The following BBS12 variants were observed in gnomAD, a reference collection of about 807,000 sequenced individuals.
BBS12 encodes the protein chaperonin-containing T-complex member BBS12.
In BBS12, 5 loss-of-function variants were observed where a neutral mutation model predicts 5.6. The ratio of observed to expected loss-of-function variants is 0.89; its 90% CI spans 0.46 to 1.86. The LOEUF (loss-of-function observed/expected upper bound fraction) is 1.86, where lower values mean the gene tolerates loss of function less well. BBS12 is among the 40% of genes most tolerant of loss of function. The pLI is 0.01. For missense variants in BBS12, 748 were observed against 830.4 expected (o/e 0.90, Z 1.22); for synonymous variants, 308 against 306.8 (o/e 1.00, Z -0.04).
At chr4:122,740,891 T>G (rs374362692) in intron 1 of BBS12, among the ~76,000 whole-genome samples, 14 of 152,338 alleles carry the variant, frequency 9.2e-5, no homozygotes, top group African/African-American at 3.4e-4. Context: ...CTTCTATTAT[T>G]ATCCCTGTTT....
intron 1 of BBS12, 73 bp from the exon 2 acceptor site, chr4:122,741,809 GT>G: frequency 7.6e-7 from 1 of 1,322,416 alleles, no homozygotes; most frequent in Non-Finnish European, 1.1e-6. Context: ...AGCATATCTT[GT>G]TTTTATTTCT....
At chr4:122,703,633 C>G in the BBS12 span, among the ~76,000 whole-genome samples, 1 of 152,110 alleles carries the variant, frequency 6.6e-6, no homozygotes, top group Non-Finnish European at 1.5e-5. Flanking sequence ...TAGTACCTCC[C>G]TTGGTGCTTC....
the BBS12 span, among the ~76,000 whole-genome samples, chr4:122,723,051 T>C: frequency 2.0e-5 from 3 of 152,208 alleles, no homozygotes; most frequent in Non-Finnish European, 2.9e-5. Context: ...TCAAATTTTA[T>C]CAAGTGTGGG....
chr4:122,733,859 C>CTTTTTTTTTTTTTTTTTTTTTT (rs35729794), intron 1 of BBS12: 6 of 97,132 alleles, frequency 6.2e-5, no homozygotes, highest in Non-Finnish European at 6.0e-5. Flanking sequence ...TAACTTTAGT[C>CTTTTTTTTTTTTTTTTTTTTTT]TTTTTTTTTT....
the BBS12 span, among the ~76,000 whole-genome samples, chr4:122,715,704 T>G: frequency 1.3e-5 from 2 of 152,202 alleles, no homozygotes; most frequent in Admixed American, 6.5e-5. Flanking sequence ...ATCCATGATA[T>G]ACTTCCAAGA....
At chr4:122,727,766 C>G (rs909425938), upstream of BBS12, among the ~76,000 whole-genome samples, 13 of 151,786 alleles carry the variant, frequency 8.6e-5, no homozygotes, top group Admixed American at 8.5e-4. Flanking sequence ...GTTGGCCAGG[C>G]TGGTCTCGAA....
At chr4:122,716,684 CATATGTGT>C in the BBS12 span, among the ~76,000 whole-genome samples, 1 of 83,908 alleles carries the variant, frequency 1.2e-5, no homozygotes, top group Non-Finnish European at 2.2e-5. Flanking sequence ...TATATATACA[CATATGTGT>C]ATGTGTGTGT....
At position 122,742,133 on chromosome 4, in the gene BBS12, T is replaced by C. The variant is rs768973035; in HGVS notation, c.241T>C (p.Tyr81His). 34 of 1,613,964 alleles carry C rather than the reference T, an allele frequency of 2.1e-5. No individual in the cohort carries two copies. The highest frequency in any genetic ancestry group is 1.6e-4 in the Middle Eastern group (1 of 6,084). ...NEAVQAQNNTYRTGISTLLFL... is the reference protein window; with the variant it reads ...NEAVQAQNNTHRTGISTLLFL... ...AGCAGTTCAAGCACAAAACAACACA[T>C]ATAGAACTGGAATCAGTACTCTTTT... Residue 81 changes from tyrosine (Y) to histidine (H), a missense_variant, in exon 2 of 2, where the codon TAT (tyrosine) becomes CAT (histidine). By Grantham distance (83) the Tyr-to-His change is moderately conservative. Coordinates refer to ENST00000314218, the MANE Select transcript of BBS12 (RefSeq NM_152618.3).
the BBS12 span, among the ~76,000 whole-genome samples, chr4:122,713,628 T>C: frequency 6.6e-6 from 1 of 152,252 alleles, no homozygotes; most frequent in Admixed American, 6.5e-5. Context: ...CTCTATCCTA[T>C]GTCATTGACC....
At chr4:122,725,925 A>C in the BBS12 span, among the ~76,000 whole-genome samples, 71 of 151,064 alleles carry the variant, frequency 4.7e-4, no homozygotes, top group African/African-American at 1.7e-3. Context: ...AAAAAAATCA[A>C]GATGGATCAA....
At chr4:122,721,804 A>G in the BBS12 span, among the ~76,000 whole-genome samples, 3 of 152,194 alleles carry the variant, frequency 2.0e-5, no homozygotes, top group Non-Finnish European at 4.4e-5. Context: ...CAGAAGTCAT[A>G]TAGTGTCACC....
At chr4:122,715,642 T>A in the BBS12 span, among the ~76,000 whole-genome samples, 2 of 152,234 alleles carry the variant, frequency 1.3e-5, no homozygotes, top group African/African-American at 4.8e-5. Context: ...CTGGAATCAC[T>A]ACTTGCATTT....
chr4:122,707,769 AG>A, the BBS12 span, among the ~76,000 whole-genome samples: 1 of 152,086 alleles, frequency 6.6e-6, no homozygotes, highest in East Asian at 1.9e-4. Context: ...GTGTGGAAGA[AG>A]TTCCCCTGCT....
Position 122,743,516 on chromosome 4 carries a change from GT to G in BBS12, c.1626del (p.Glu543AsnfsTer16). On this transcript the variant is annotated frameshift_variant, in exon 2 of 2. Transcript: ENST00000314218. LOFTEE classifies it low-confidence loss of function (END_TRUNC). ...EEKVFLGGGA[V>X]EFLCLSCLHI... The stretch of plus-strand genomic sequence containing the variant: ...AAAGGTCTTCCTTGGAGGTGGTGCA[GT>G]TGAATTTTTGTGTCTTAGCTGTCTT... 3.7e-6 allele frequency: 6 copies of G among 1,614,236 alleles called. No homozygotes were observed. Among genetic ancestry groups the G allele is most frequent in the Non-Finnish European group, 5.1e-6 (6 of 1,180,036 alleles).
At chr4:122,727,121 T>C in the BBS12 span, among the ~76,000 whole-genome samples, 528 of 152,236 alleles carry the variant, frequency 3.5e-3, 3 homozygotes, top group African/African-American at 0.012. Flanking sequence ...GAAAAAAATA[T>C]AAAGGCTGAA....
At chr4:122,714,146 TG>T in the BBS12 span, among the ~76,000 whole-genome samples, 4 of 152,208 alleles carry the variant, frequency 2.6e-5, no homozygotes, top group East Asian at 7.7e-4. Flanking sequence ...TCAATAGCAC[TG>T]TGTCTTTCTA....
In BBS12 at chr4:122,743,560, A is replaced by G. The variant is rs2150737604; in HGVS notation, c.1668A>G (p.Gln556=). 1.2e-6 allele frequency: 2 copies of G among 1,614,148 alleles called. No homozygotes were observed. Among genetic ancestry groups the G allele is most frequent in the Non-Finnish European group, 1.7e-6 (2 of 1,180,030 alleles). The change falls in exon 2 of 2, where the codon CAA becomes CAG. Residue 556 remains glutamine (Q), a synonymous_variant. Transcript: ENST00000314218. ...GCTGTCTTCATATTCTTGCAGAGCA[A>G]TCTCTGAAAAAAGAAAACCATGCCT... ...CLSCLHILAE[Q]SLKKENHACS...
At position 122,742,275 on chromosome 4, in the gene BBS12, T is replaced by C. The variant is rs1200277589; in HGVS notation, c.383T>C (p.Val128Ala). The change falls in exon 2 of 2, where the codon GTT becomes GCT. Residue 128 changes from valine to alanine, a missense_variant. Val to Ala is a moderately conservative substitution (Grantham distance 64, BLOSUM62 0). Transcript: ENST00000314218. The part of the protein sequence containing the change: ...EGLNFCSEEV[V>A]SLHVPVHNIF... ...TTAAACTTTTGTAGTGAAGAGGTAG[T>C]TTCTCTTCATGTACCTGTTCACAAT... The C allele has an allele frequency of 6.2e-7, 1 of 1,613,848 alleles. No homozygotes were observed. Among genetic ancestry groups the C allele is most frequent in the Non-Finnish European group, 8.5e-7 (1 of 1,179,954 alleles).
the BBS12 span, among the ~76,000 whole-genome samples, chr4:122,716,644 CGTGTGTGTAT>C: frequency 4.2e-5 from 4 of 95,236 alleles, no homozygotes; most frequent in Non-Finnish European, 7.4e-5. Context: ...TATATACACA[CGTGTGTGTAT>C]ATGCACATAC....
Sources: gnomAD v4.1 joint callset for allele counts (sites outside exome capture counted in the v4.1 genomes callset) on GRCh38, gnomAD v4.1.1 for gene constraint, MANE v1.5 for transcripts, NCBI Gene and HGNC (gene_info 2026-07-23, HGNC 2026-07-21) for gene names.